Variants in PRMT3 observed in about 807,000 individuals in gnomAD.
The protein encoded by PRMT3 is protein arginine methyltransferase 3.
In PRMT3, 62 loss-of-function variants were observed where a neutral mutation model predicts 71.9. That is an observed-to-expected ratio of 0.86 (90% CI 0.70 to 1.07). PRMT3 has a LOEUF of 1.07. PRMT3 is among the 50% of genes least tolerant of loss of function. The pLI is 0.00. For synonymous variants in PRMT3, 213 were observed against 220.4 expected, an observed-to-expected ratio of 0.97 and a Z score of 0.30; for missense variants, 663 against 643.0, an observed-to-expected ratio of 1.03 and a Z score of -0.34.
Position 20,397,809 on chromosome 11 carries a change from CCT to C in PRMT3, c.705+91_705+92del, listed in dbSNP as rs539645927. ...TAATATATGTGTGCACTATAGGAGA[CCT>C]CTTTTTTTTGGGTGGGGAGAACTGC... On this transcript the variant is annotated intron_variant, in intron 7 of 15. Coordinates refer to ENST00000331079, the MANE Select transcript of PRMT3 (RefSeq NM_005788.4). 2.4e-5 allele frequency: 34 copies of C among 1,388,434 alleles called. No homozygotes were observed. In the South Asian group the frequency reaches 3.1e-4, roughly 13 times the overall value. The allele number at this position is 1,388,434 out of a possible 1,614,324, so 86.0% of individuals were successfully genotyped here.
chr11:20,392,550 C>G (rs7127831), intron 4 of PRMT3, among the ~76,000 whole-genome samples: 118,289 of 151,778 alleles, frequency 0.78, 48,561 homozygotes, highest in Non-Finnish European at 0.92. Context: ...TCTGTAAAAT[C>G]AGAAATAATT....
intron 5 of PRMT3, 85 bp from the exon 6 acceptor site, chr11:20,395,718 C>A: frequency 7.6e-7 from 1 of 1,315,676 alleles, no homozygotes; most frequent in Non-Finnish European, 1.0e-6. Context: ...ATAGTAGAAA[C>A]TTAGGGCGTA....
At chr11:20,433,100 A>T (rs932713059) in intron 10 of PRMT3, among the ~76,000 whole-genome samples, 1 of 151,466 alleles carries the variant, frequency 6.6e-6, no homozygotes, top group Non-Finnish European at 1.5e-5. Flanking sequence ...TTTGTTATTT[A>T]GGTAATAACT....
intron 3 of PRMT3, among the ~76,000 whole-genome samples, chr11:20,390,162 A>T (rs1348396096): frequency 2.0e-5 from 3 of 151,590 alleles, no homozygotes; most frequent in African/African-American, 7.3e-5. Context: ...AAAAAAAAAA[A>T]ATCTGTGAAA....
At chr11:20,425,079 C>T (rs1050729189) in intron 9 of PRMT3, among the ~76,000 whole-genome samples, 1 of 150,840 alleles carries the variant, frequency 6.6e-6, no homozygotes, top group Non-Finnish European at 1.5e-5. Context: ...GCATTCTAAC[C>T]TGGGCAACAG....
At chr11:20,436,251 A>G (rs938914848) in intron 10 of PRMT3, among the ~76,000 whole-genome samples, 9 of 152,146 alleles carry the variant, frequency 5.9e-5, no homozygotes, top group Admixed American at 2.6e-4. Context: ...AACAGGAACA[A>G]TTTGTCTCCC....
chr11:20,482,896 G>A (rs562588839), intron 13 of PRMT3, among the ~76,000 whole-genome samples: 1 of 151,994 alleles, frequency 6.6e-6, no homozygotes, highest in South Asian at 2.1e-4. Context: ...ATACCAGATG[G>A]CTCAGAATAT....
chr11:20,424,975 G>A lies in PRMT3; in HGVS notation c.894-1791G>A, dbSNP rs1415625392. Among the ~76,000 whole-genome samples, 8 of 152,024 alleles carry A rather than the reference G, an allele frequency of 5.3e-5. No homozygotes were observed. In the South Asian group the frequency reaches 6.2e-4, roughly 12 times the overall value. On this transcript the variant is annotated intron_variant, in intron 9 of 15. Transcript: ENST00000331079. ...AAATATTAGCCAGGCATGGTGTCAC[G>A]CACCTGTAGTCCCAGCTACTCAGGA... is the stretch of plus-strand genomic sequence containing the variant.
intron 10 of PRMT3, among the ~76,000 whole-genome samples, chr11:20,443,528 G>T (rs747930057): frequency 7.2e-5 from 11 of 152,132 alleles, no homozygotes; most frequent in Non-Finnish European, 1.5e-4. Context: ...ATGAAGTATT[G>T]TTCTTTGTCC....
At chr11:20,480,903 T>G (rs1850915888) in intron 13 of PRMT3, among the ~76,000 whole-genome samples, 1 of 152,172 alleles carries the variant, frequency 6.6e-6, no homozygotes, top group South Asian at 2.1e-4. Context: ...CAATTATTAG[T>G]ACGTTGAATT....
intron 15 of PRMT3, among the ~76,000 whole-genome samples, chr11:20,497,047 C>CT (rs911283533): frequency 3.9e-5 from 6 of 151,906 alleles, no homozygotes; most frequent in African/African-American, 7.3e-5. Context: ...GAAAATGTTG[C>CT]TTTTTTTTCT....
rs1487022480 is a variant in PRMT3, at chr11:20,432,829, C to A, written c.993+5964C>A. 2.0e-5 allele frequency among the ~76,000 whole-genome samples: 3 copies of A among 151,890 alleles called. No individual in the cohort carries two copies. The East Asian group carries it at 5.8e-4, about 29-fold the overall frequency. On this transcript the variant is annotated intron_variant, in intron 10 of 15. Transcript: ENST00000331079. ...TAATGTTGAGCATTTTTTAATATAC[C>A]TGCTGGCCTTTTATATGTCTTCTTT...
intron 13 of PRMT3, among the ~76,000 whole-genome samples, chr11:20,484,235 T>C (rs935282039): frequency 6.6e-6 from 1 of 152,070 alleles, no homozygotes; most frequent in African/African-American, 2.4e-5. Flanking sequence ...AACAAAGACA[T>C]TGAACAAAAA....
intron 9 of PRMT3, among the ~76,000 whole-genome samples, chr11:20,417,103 A>G (rs1194199625): frequency 6.6e-6 from 1 of 152,148 alleles, no homozygotes; most frequent in Non-Finnish European, 1.5e-5. Context: ...TGACGTGTGC[A>G]CTGAGTACTG....
At chr11:20,424,541 AG>A (rs1849500196) in intron 9 of PRMT3, among the ~76,000 whole-genome samples, 2 of 152,336 alleles carry the variant, frequency 1.3e-5, no homozygotes, top group East Asian at 3.9e-4. Context: ...AAAATGAACA[AG>A]ATACATATGG....
intron 13 of PRMT3, among the ~76,000 whole-genome samples, chr11:20,477,812 C>T (rs563912945): frequency 6.9e-6 from 1 of 144,372 alleles, no homozygotes; most frequent in Non-Finnish European, 1.5e-5. Context: ...ACCCCCCCCC[C>T]CCACTTCCTG....
Position 20,478,009 on chromosome 11 carries a change from T to TGCTACTTTACCCACTACA in PRMT3, c.1347+13464_1347+13481dup, listed in dbSNP as rs1340401935. Among the ~76,000 whole-genome samples, 7 of 152,322 alleles carry TGCTACTTTACCCACTACA rather than the reference T, an allele frequency of 4.6e-5. No individual in the cohort carries two copies. The South Asian group carries it at 1.2e-3, about 27-fold the overall frequency. ...AAAGTTCTTGTGACTGTGGCATTTT[T>TGCTACTTTACCCACTACA]GCTACTTTACCCACTACATGGGCCC... On this transcript the variant is annotated intron_variant, in intron 13 of 15. Coordinates refer to ENST00000331079, the MANE Select transcript of PRMT3 (RefSeq NM_005788.4).
At chr11:20,411,578 C>G (rs1022480922) in intron 9 of PRMT3, among the ~76,000 whole-genome samples, 3 of 152,034 alleles carry the variant, frequency 2.0e-5, no homozygotes, top group African/African-American at 7.2e-5. Context: ...ATCAGTTTCA[C>G]TACTGCAAAT....
At position 20,508,360 on chromosome 11, in the gene PRMT3, C is replaced by G; in HGVS notation, c.1543C>G (p.Leu515Val). 1.2e-6 allele frequency: 2 copies of G among 1,612,164 alleles called. No homozygotes were observed. The highest frequency in any genetic ancestry group is 1.1e-5 in the South Asian group (1 of 91,032). Residue 515 changes from leucine to valine, a missense_variant, in exon 16 of 16, where the codon CTC becomes GTC. Physicochemically the swap from Leu to Val is conservative, Grantham distance 32. Coordinates refer to ENST00000331079, the MANE Select transcript of PRMT3 (RefSeq NM_005788.4). ...CAAGAATAAGAAAGATCCACGTTCT[C>G]TCACCGTGACCCTCACGTTGAATAA... The part of the protein sequence containing the change: ...VHKNKKDPRS[L>V]TVTLTLNNST...
Sources: allele counts gnomAD v4.1 joint callset (sites outside exome capture counted in the v4.1 genomes callset), GRCh38; gene constraint gnomAD v4.1.1; transcripts MANE v1.5; gene names NCBI Gene and HGNC (gene_info 2026-07-23, HGNC 2026-07-21).